NTM: variants seen among roughly 807,000 people sequenced by gnomAD.
NTM encodes the protein neurotrimin.
A neutral mutation model predicts 42.1 loss-of-function variants in NTM; 13 were observed. The observed-to-expected ratio is 0.31, with a 90% CI of 0.20 to 0.49. The LOEUF is 0.49. NTM is among the 20% of genes least tolerant of loss of function. The probability of loss-of-function intolerance (pLI) is 0.99; values close to 1 mark genes in which losing one functional copy is unlikely to be tolerated. For synonymous variants in NTM, 187 were observed against 179.2 expected (o/e 1.04, Z -0.35); for missense variants, 373 against 452.8 (o/e 0.82, Z 1.60).
chr11:131,483,616 C>T (rs1314651953), intron 1 of NTM, among the ~76,000 whole-genome samples: 5 of 152,236 alleles, frequency 3.3e-5, no homozygotes, highest in Non-Finnish European at 7.3e-5. Flanking sequence ...CCTTGCCAGG[C>T]TCATCTGGAG....
chr11:132,299,218 C>A (rs1392679846), intron 4 of NTM, among the ~76,000 whole-genome samples: 1 of 152,110 alleles, frequency 6.6e-6, no homozygotes, highest in Non-Finnish European at 1.5e-5. Context: ...TATTGTGAAT[C>A]CAGGAGGCAG....
chr11:132,240,067 G>GTCCATCCA (rs547649451), intron 4 of NTM, among the ~76,000 whole-genome samples: 6 of 91,158 alleles, frequency 6.6e-5, no homozygotes, highest in Admixed American at 1.2e-4. Context: ...CCCTCCATCC[G>GTCCATCCA]TCCATCCATC....
chr11:131,820,508 A>G (rs1250457097), intron 1 of NTM, among the ~76,000 whole-genome samples: 1 of 152,240 alleles, frequency 6.6e-6, no homozygotes, highest in East Asian at 1.9e-4. Context: ...AGGATGAGAG[A>G]AAATGAACAT....
At chr11:131,854,025 A>G (rs755474443) in intron 1 of NTM, among the ~76,000 whole-genome samples, 1 of 152,252 alleles carries the variant, frequency 6.6e-6, no homozygotes, top group Non-Finnish European at 1.5e-5. Flanking sequence ...GAGTAGATGC[A>G]TGGTTCATCT....
intron 1 of NTM, among the ~76,000 whole-genome samples, chr11:131,598,755 C>CTTTCTTTCTTCT (rs201769252): frequency 1.3e-4 from 4 of 31,098 alleles, no homozygotes; most frequent in African/African-American, 3.9e-4. Context: ...TTCTTTCTTT[C>CTTTCTTTCTTCT]TTCTTTCTTT....
Position 131,896,091 on chromosome 11 carries a change from A to G in NTM, c.83-15473A>G, listed in dbSNP as rs575406662. ...AGGGGGAGCCACTGAAACTTCCTAC[A>G]TAAGTAAAGGACATCATCTGATCCC... On this transcript the variant is annotated intron_variant, in intron 1 of 8. Transcript: ENST00000683400. Among the ~76,000 whole-genome samples the G allele has an allele frequency of 2.6e-5, 4 of 152,364 alleles. No individual in the cohort carries two copies. The South Asian group carries it at 6.2e-4, about 24-fold the overall frequency.
intron 1 of NTM, among the ~76,000 whole-genome samples, chr11:131,472,014 C>A (rs764261889): frequency 1.3e-5 from 2 of 152,172 alleles, no homozygotes; most frequent in African/African-American, 4.8e-5. Context: ...GAAACCAAGA[C>A]GTTTCAATTA....
chr11:132,187,451 A>G (rs980410987), intron 3 of NTM, among the ~76,000 whole-genome samples: 3 of 152,180 alleles, frequency 2.0e-5, no homozygotes, highest in African/African-American at 7.2e-5. Context: ...GAAAGGCAGT[A>G]TATTTTAGGC....
chr11:132,109,776 C>G (rs551961303), intron 2 of NTM, among the ~76,000 whole-genome samples: 2 of 152,144 alleles, frequency 1.3e-5, no homozygotes, highest in Non-Finnish European at 2.9e-5. Flanking sequence ...AATGTGTAGT[C>G]TTTTATCCCT....
intron 1 of NTM, among the ~76,000 whole-genome samples, chr11:131,502,027 T>C (rs2512656): frequency 0.32 from 48,861 of 151,822 alleles, 8,023 homozygotes; most frequent in South Asian, 0.34. Context: ...TTCAAGGGAA[T>C]GGTGAGGCTG....
chr11:132,317,591 C>A, intron 7 of NTM: 1 of 887,494 alleles, frequency 1.1e-6, no homozygotes, highest in Non-Finnish European at 1.6e-6. Flanking sequence ...AAATATATAG[C>A]ACTGTATATA....
chr11:131,820,545 T>A (rs1307730875), intron 1 of NTM, among the ~76,000 whole-genome samples: 1 of 152,216 alleles, frequency 6.6e-6, no homozygotes, highest in East Asian at 1.9e-4. Context: ...TAGATTAATT[T>A]TTTTAAATGG....
intron 1 of NTM, among the ~76,000 whole-genome samples, chr11:131,655,481 C>A (rs1306706716): frequency 1.3e-5 from 2 of 152,220 alleles, no homozygotes; most frequent in African/African-American, 4.8e-5. Context: ...TCAGCAACAA[C>A]CTCCAGGGCT....
Position 131,966,754 on chromosome 11 carries a change from A to G in NTM, c.167+55106A>G, listed in dbSNP as rs569157940. Among the ~76,000 whole-genome samples, 6 of 152,312 alleles carry G rather than the reference A, an allele frequency of 3.9e-5. No homozygotes were observed. In the South Asian group the frequency reaches 1.2e-3, roughly 32 times the overall value. On this transcript the variant is annotated intron_variant, in intron 2 of 8. Coordinates refer to ENST00000683400, the MANE Select transcript of NTM (RefSeq NM_001352005.2). ...GGGACCCTCTCACCATGACAGAAACAGGACCCAGTGGATGGCTTTGAGCAG... is the reference window on the plus strand; with the variant it reads ...GGGACCCTCTCACCATGACAGAAACGGGACCCAGTGGATGGCTTTGAGCAG...
At chr11:131,579,545 A>G (rs7925748) in intron 1 of NTM, among the ~76,000 whole-genome samples, 47,675 of 152,124 alleles carry the variant, frequency 0.31, 9,251 homozygotes, top group East Asian at 0.51. Flanking sequence ...CAAACAAAAT[A>G]GAGCTTTTAA....
chr11:132,155,110 C>T (rs562955812), intron 3 of NTM, among the ~76,000 whole-genome samples: 2 of 151,984 alleles, frequency 1.3e-5, no homozygotes, highest in Non-Finnish European at 1.5e-5. Context: ...ACAATGAACC[C>T]GGTGTTGGCT....
chr11:131,623,889 G>A (rs763309030), intron 1 of NTM, among the ~76,000 whole-genome samples: 23 of 152,350 alleles, frequency 1.5e-4, no homozygotes, highest in Admixed American at 3.9e-4. Context: ...CGGGGCTGCC[G>A]TAGCTGGGCA....
At chr11:131,691,177 G>A (rs984648879) in intron 1 of NTM, among the ~76,000 whole-genome samples, 2 of 152,170 alleles carry the variant, frequency 1.3e-5, no homozygotes, top group African/African-American at 2.4e-5. Flanking sequence ...GGCCACCCCC[G>A]GCCCTGCACC....
chr11:132,334,875 G>A (rs2095858506), intron 8 of NTM, 171 bp from the exon 9 acceptor site: 1 of 617,284 alleles, frequency 1.6e-6, no homozygotes. Flanking sequence ...TGTGTCTTGG[G>A]GATGTGGGCC....
Sources: gnomAD v4.1 joint callset for allele counts (sites outside exome capture counted in the v4.1 genomes callset) on GRCh38, gnomAD v4.1.1 for gene constraint, MANE v1.5 for transcripts, NCBI Gene and HGNC (gene_info 2026-07-23, HGNC 2026-07-21) for gene names.